Variants in SH3BP4 observed in about 807,000 individuals in gnomAD.
The protein encoded by SH3BP4 is SH3 domain binding protein 4.
A neutral mutation model predicts 65.5 loss-of-function variants in SH3BP4; 33 were observed. The observed-to-expected ratio is 0.50, with a 90% CI of 0.38 to 0.67. SH3BP4 has a LOEUF of 0.67. Ranked by LOEUF, SH3BP4 falls within the 30% of genes least tolerant of loss-of-function variation. The pLI is 0.00. For missense variants in SH3BP4, 1,134 were observed against 1,261.4 expected, an observed-to-expected ratio of 0.90 and a Z score of 1.53; for synonymous variants, 552 against 545.5, an observed-to-expected ratio of 1.01 and a Z score of -0.17.
In SH3BP4 at chr2:234,977,832, C is replaced by T. The variant is rs1265997038; in HGVS notation, c.-206-17471C>T. 3.3e-5 allele frequency among the ~76,000 whole-genome samples: 5 copies of T among 152,158 alleles called. No homozygotes were observed. The South Asian group carries it at 8.3e-4, about 25-fold the overall frequency. On this transcript the variant is annotated intron_variant, in intron 1 of 5. Coordinates refer to ENST00000392011, the MANE Select transcript of SH3BP4 (RefSeq NM_014521.3). This position sits in a 1 kb window ranked among gnomAD's most constrained non-coding sequence, Gnocchi z 5.1. Reference sequence around the variant, plus strand: ...ACACACACACATGCGTGCACACACACGCAGACCCTGAGACCCTGCACTTGA... The same window carrying T: ...ACACACACACATGCGTGCACACACATGCAGACCCTGAGACCCTGCACTTGA...
rs1692490249 is a variant in SH3BP4, at chr2:234,952,343, C to A, written c.-207+173C>A. Among the ~76,000 whole-genome samples the A allele has an allele frequency of 6.6e-6, 1 of 150,572 alleles. No homozygotes were observed. The highest frequency in any genetic ancestry group is 2.1e-4 in the South Asian group (1 of 4,834). ...GCTGCGCGGGTGCCTGGGCGTGGGG[C>A]GGCTTCGGGGAAGCCTCGCGCGCCC... On this transcript the variant is annotated intron_variant, in intron 1 of 5. Transcript: ENST00000392011. This position sits in a 1 kb window ranked among gnomAD's most constrained non-coding sequence, Gnocchi z 6.5.
rs530321360 is a variant in SH3BP4, at chr2:235,023,678, G to A, written c.-132-11193G>A. On this transcript the variant is annotated intron_variant, in intron 2 of 5. Transcript: ENST00000392011. ...GCTCTCCATACACTTGCTACCTAGA[G>A]ATAAAGTTAGCATTCAGTGTGGAAT... Among the ~76,000 whole-genome samples the A allele has an allele frequency of 2.0e-5, 3 of 152,282 alleles. No homozygotes were observed. The East Asian group carries it at 5.8e-4, about 29-fold the overall frequency.
chr2:234,991,826 C>T lies in SH3BP4; in HGVS notation c.-206-3477C>T, dbSNP rs1207466970. On this transcript the variant is annotated intron_variant, in intron 1 of 5. Coordinates refer to ENST00000392011, the MANE Select transcript of SH3BP4 (RefSeq NM_014521.3). The surrounding 1 kb of genome is among the most constrained non-coding windows in gnomAD (Gnocchi z 4.2). ...CGGACATGACAAGCCAGATTCTCTC[C>T]TCCCTCCACTCCAGCACTGAGGGGC... is the stretch of plus-strand genomic sequence containing the variant. 6.6e-6 allele frequency among the ~76,000 whole-genome samples: 1 copy of T among 152,190 alleles called. No individual in the cohort carries two copies. Among genetic ancestry groups the T allele is most frequent in the African/African-American group, 2.4e-5 (1 of 41,456 alleles).
rs560483317 is a variant in SH3BP4, at chr2:234,984,000, G to C, written c.-206-11303G>C. On this transcript the variant is annotated intron_variant, in intron 1 of 5. Transcript: ENST00000392011. ...GTTACAACATCGATAGGAAAGTCAC[G>C]CAGGGTTCTGCGGCTTTGAGGGAGT... Among the ~76,000 whole-genome samples the C allele has an allele frequency of 3.3e-5, 5 of 152,214 alleles. 1 individual carries two copies. The highest frequency in any genetic ancestry group is 3.3e-4 in the Admixed American group (5 of 15,286).
intron 2 of SH3BP4, among the ~76,000 whole-genome samples, chr2:235,028,836 G>A (rs774182070): frequency 2.6e-5 from 4 of 152,106 alleles, no homozygotes; most frequent in Non-Finnish European, 5.9e-5. Flanking sequence ...AGCACTGCAT[G>A]TGCAAAGGCC....
At chr2:234,968,046 C>G (rs1299644132) in intron 1 of SH3BP4, among the ~76,000 whole-genome samples, 1 of 152,154 alleles carries the variant, frequency 6.6e-6, no homozygotes, top group Non-Finnish European at 1.5e-5. Flanking sequence ...ACACCCAGGT[C>G]CACCTGGTTC....
At chr2:234,984,061 G>A (rs1389488458) in intron 1 of SH3BP4, among the ~76,000 whole-genome samples, 1 of 152,258 alleles carries the variant, frequency 6.6e-6, no homozygotes, top group Non-Finnish European at 1.5e-5. Context: ...TTGGGGCTGG[G>A]CTTCCCTGCT....
rs1305330593 is a variant in SH3BP4, at chr2:234,955,011, A to G, written c.-207+2841A>G. Reference sequence around the variant, plus strand: ...TGTTTACAACTGGCCAGCCATGTGGATTTCCCTTAGCTTTATTATTTTCAA... The same window carrying G: ...TGTTTACAACTGGCCAGCCATGTGGGTTTCCCTTAGCTTTATTATTTTCAA... On this transcript the variant is annotated intron_variant, in intron 1 of 5. Transcript: ENST00000392011. Among the ~76,000 whole-genome samples, 4 of 152,094 alleles carry G rather than the reference A, an allele frequency of 2.6e-5. No individual in the cohort carries two copies. The East Asian group carries it at 7.8e-4, about 29-fold the overall frequency.
At chr2:235,013,483 C>A (rs1228991770) in intron 2 of SH3BP4, among the ~76,000 whole-genome samples, 1 of 152,220 alleles carries the variant, frequency 6.6e-6, no homozygotes, top group Admixed American at 6.5e-5. Flanking sequence ...GATCTTAGAG[C>A]TGTGACTAGG....
Position 235,048,940 on chromosome 2 carries a change from C to G in SH3BP4, c.2479-3622C>G, listed in dbSNP as rs576563368. Among the ~76,000 whole-genome samples, 14 of 152,312 alleles carry G rather than the reference C, an allele frequency of 9.2e-5. No individual in the cohort carries two copies. The South Asian group carries it at 2.9e-3, about 32-fold the overall frequency. ...CATAAAAAGAGGAAGCTGCAAGGATCAAGTTCATAGAGCTAGAGCCTCCTG... is the reference window on the plus strand; with the variant it reads ...CATAAAAAGAGGAAGCTGCAAGGATGAAGTTCATAGAGCTAGAGCCTCCTG... On this transcript the variant is annotated intron_variant, in intron 4 of 5. Transcript: ENST00000392011.
intron 3 of SH3BP4, 105 bp from the exon 4 acceptor site, chr2:235,040,783 T>A: frequency 1.0e-6 from 1 of 966,452 alleles, no homozygotes; most frequent in South Asian, 1.6e-5. Flanking sequence ...TTGCCTGGGT[T>A]ATTGTGCACC....
intron 2 of SH3BP4, among the ~76,000 whole-genome samples, chr2:235,021,619 CAAAA>C (rs60474372): frequency 4.4e-4 from 45 of 101,254 alleles, no homozygotes; most frequent in South Asian, 1.3e-3. Context: ...ACTTTGTCTC[CAAAA>C]AAAAAAAAAA....
chr2:234,960,872 G>GTATCA (rs1284723794), intron 1 of SH3BP4, among the ~76,000 whole-genome samples: 5 of 152,202 alleles, frequency 3.3e-5, no homozygotes, highest in Non-Finnish European at 7.3e-5. Flanking sequence ...CATGGCTCAC[G>GTATCA]TATCATGTTC....
At position 235,052,481 on chromosome 2, in the gene SH3BP4, G is replaced by T. The variant is rs1052706350; in HGVS notation, c.2479-81G>T. The T allele has an allele frequency of 3.5e-6, 4 of 1,153,048 alleles. No individual in the cohort carries two copies. Among genetic ancestry groups the T allele is most frequent in the Non-Finnish European group, 3.6e-6 (3 of 836,090 alleles). The allele number at this position is 1,153,048 out of a possible 1,614,324, so 71.4% of individuals were successfully genotyped here. On this transcript the variant is annotated intron_variant, in intron 4 of 5. Transcript: ENST00000392011. The surrounding 1 kb of genome is among the most constrained non-coding windows in gnomAD (Gnocchi z 5.0). ...ATAGAGAGCCCATGGCCATTCCTGC[G>T]CCGTCTGCTGGAATTCTGCGGGGAG... is the stretch of plus-strand genomic sequence containing the variant.
Position 235,042,319 on chromosome 2 carries a change from C to T in SH3BP4, c.1550C>T (p.Ala517Val). ...SEVTRQAPNPAPVALQLWGKH... is the reference protein window; with the variant it reads ...SEVTRQAPNPVPVALQLWGKH... The stretch of plus-strand genomic sequence containing the variant: ...GTCACACGCCAGGCACCCAACCCTG[C>T]CCCGGTGGCCCTGCAGCTGTGGGGG... The change falls in exon 4 of 6, where the codon GCC (alanine) becomes GTC (valine). Residue 517 changes from alanine (A) to valine (V), a missense_variant. Transcript: ENST00000392011. The surrounding 1 kb of genome is among the most constrained non-coding windows in gnomAD (Gnocchi z 7.3). 6.2e-7 allele frequency: 1 copy of T among 1,614,100 alleles called. No homozygotes were observed. The highest frequency in any genetic ancestry group is 8.5e-7 in the Non-Finnish European group (1 of 1,180,012).
At chr2:235,031,059 C>A (rs962498975) in intron 2 of SH3BP4, among the ~76,000 whole-genome samples, 47 of 152,214 alleles carry the variant, frequency 3.1e-4, no homozygotes, top group African/African-American at 8.2e-4. Context: ...GACCACAGGA[C>A]ACACGTCTCC....
chr2:235,036,014 G>A (rs1695366511), intron 3 of SH3BP4, among the ~76,000 whole-genome samples: 1 of 152,184 alleles, frequency 6.6e-6, no homozygotes, highest in Admixed American at 6.5e-5. Flanking sequence ...TGTATCCTCG[G>A]CCCCAGCCTA....
chr2:235,042,346 A>C lies in SH3BP4; in HGVS notation c.1577A>C (p.Lys526Thr). 1.2e-6 allele frequency: 2 copies of C among 1,614,202 alleles called. No homozygotes were observed. Among genetic ancestry groups the C allele is most frequent in the Non-Finnish European group, 1.7e-6 (2 of 1,180,032 alleles). ...PAPVALQLWG[K>T]HQFVLSRPQD... Reference sequence around the variant, plus strand: ...CCGGTGGCCCTGCAGCTGTGGGGGAAGCACCAGTTCGTTTTGTCCAGGCCC... The same window carrying C: ...CCGGTGGCCCTGCAGCTGTGGGGGACGCACCAGTTCGTTTTGTCCAGGCCC... The change falls in exon 4 of 6, where the codon AAG (lysine) becomes ACG (threonine). Residue 526 changes from lysine (K) to threonine (T), a missense_variant. By Grantham distance (78) the Lys-to-Thr change is moderately conservative (BLOSUM62 -1). Coordinates refer to ENST00000392011, the MANE Select transcript of SH3BP4 (RefSeq NM_014521.3). This position sits in a 1 kb window ranked among gnomAD's most constrained non-coding sequence, Gnocchi z 7.3.
In SH3BP4 at chr2:235,038,266, T is replaced by A. The variant is rs1166540905; in HGVS notation, c.119-2622T>A. On this transcript the variant is annotated intron_variant, in intron 3 of 5. Coordinates refer to ENST00000392011, the MANE Select transcript of SH3BP4 (RefSeq NM_014521.3). ...TATATATATTATATATAATATATAT[T>A]ATATATAATATATATTATATATAAT... is the stretch of plus-strand genomic sequence containing the variant. 1.1e-4 allele frequency among the ~76,000 whole-genome samples: 3 copies of A among 27,644 alleles called. 1 individual carries two copies. The highest frequency in any genetic ancestry group is 1.5e-4 in the Non-Finnish European group (3 of 19,794). 18.1% of individuals were successfully genotyped at this position (27,644 alleles called of 152,430 possible).
Sources: gnomAD v4.1 joint callset for allele counts (sites outside exome capture counted in the v4.1 genomes callset) on GRCh38, gnomAD v4.1.1 for gene constraint, Gnocchi (gnomAD v3.1) non-coding constraint, MANE v1.5 for transcripts, NCBI Gene and HGNC (gene_info 2026-07-23, HGNC 2026-07-21) for gene names.